The following TMEM108 variants were observed in gnomAD, a reference collection of about 807,000 sequenced individuals.
TMEM108 encodes transmembrane protein 108.
A neutral mutation model predicts 35.1 loss-of-function variants in TMEM108; 12 were observed. The observed-to-expected ratio is 0.34, with a 90% CI of 0.22 to 0.55. The LOEUF (loss-of-function observed/expected upper bound fraction) is 0.55, where lower values mean the gene tolerates loss of function less well. Ranked by LOEUF, TMEM108 falls within the 20% of genes least tolerant of loss-of-function variation. TMEM108 has a pLI of 0.89. For missense variants in TMEM108, 680 were observed against 753.3 expected (o/e 0.90, Z 1.14); for synonymous variants, 287 against 308.6 (o/e 0.93, Z 0.73).
intron 3 of TMEM108, among the ~76,000 whole-genome samples, chr3:133,321,789 A>G (rs917575762): frequency 2.0e-5 from 3 of 152,116 alleles, no homozygotes; most frequent in Non-Finnish European, 4.4e-5. Context: ...CACAAAACAA[A>G]TCTCAATGAA....
chr3:133,286,135 C>G (rs1946981581), intron 3 of TMEM108, among the ~76,000 whole-genome samples: 1 of 152,158 alleles, frequency 6.6e-6, no homozygotes, highest in African/African-American at 2.4e-5. Flanking sequence ...TATCAAACAT[C>G]AAGACAAACA....
chr3:133,341,124 G>A (rs1034155370), intron 3 of TMEM108, among the ~76,000 whole-genome samples: 2 of 151,750 alleles, frequency 1.3e-5, no homozygotes, highest in Non-Finnish European at 3.0e-5. Flanking sequence ...AATTATCCTT[G>A]TTTGCAGATG....
chr3:133,381,883 T>C (rs889468285), intron 4 of TMEM108, among the ~76,000 whole-genome samples: 1 of 152,144 alleles, frequency 6.6e-6, no homozygotes, highest in African/African-American at 2.4e-5. Flanking sequence ...TATTTGTTCG[T>C]AGGTGATGTG....
chr3:133,285,243 A>G (rs1946967591), intron 3 of TMEM108, among the ~76,000 whole-genome samples: 1 of 152,240 alleles, frequency 6.6e-6, no homozygotes, highest in Non-Finnish European at 1.5e-5. Context: ...AGTGGCTACC[A>G]TATTAAATAA....
intron 3 of TMEM108, among the ~76,000 whole-genome samples, chr3:133,290,395 T>A (rs1947046612): frequency 6.6e-6 from 1 of 151,754 alleles, no homozygotes; most frequent in Admixed American, 6.6e-5. Context: ...CCAAGCTGAG[T>A]GGATCATCTC....
At chr3:133,321,308 A>G (rs1186920360) in intron 3 of TMEM108, among the ~76,000 whole-genome samples, 1 of 152,238 alleles carries the variant, frequency 6.6e-6, no homozygotes, top group African/African-American at 2.4e-5. Context: ...AACTTAAGGT[A>G]AAGTGGTGGG....
Position 133,380,574 on chromosome 3 carries a change from G to T in TMEM108, c.863G>T (p.Gly288Val). 1 of 1,613,338 alleles carries T rather than the reference G, an allele frequency of 6.2e-7. No homozygotes were observed. The highest frequency in any genetic ancestry group is 1.1e-5 in the South Asian group (1 of 90,974). ...CTTCGCAGAGCAGCCCAGGGGGGTG[G>T]TTCTACCTTCACCAGCCAAGGAGGG... is the stretch of plus-strand genomic sequence containing the variant. The part of the protein sequence containing the change: ...PGLRRAAQGG[G>V]STFTSQGGTP... Residue 288 changes from glycine (G) to valine (V), a missense_variant, in exon 4 of 6, where the codon GGT becomes GTT. By Grantham distance (109) the Gly-to-Val change is moderately radical. Coordinates refer to ENST00000321871, the MANE Select transcript of TMEM108 (RefSeq NM_023943.4). The surrounding 1 kb of genome is among the most constrained non-coding windows in gnomAD (Gnocchi z 5.3).
At chr3:133,275,014 C>T (rs1946819903) in intron 3 of TMEM108, among the ~76,000 whole-genome samples, 1 of 152,154 alleles carries the variant, frequency 6.6e-6, no homozygotes, top group Admixed American at 6.5e-5. Context: ...CAGCAAAAAC[C>T]ATAAATACTC....
chr3:133,142,561 C>T (rs531634149), intron 2 of TMEM108, among the ~76,000 whole-genome samples: 1 of 152,316 alleles, frequency 6.6e-6, no homozygotes, highest in African/African-American at 2.4e-5. Flanking sequence ...CACGGTTTCA[C>T]ACTCCACACT....
At chr3:133,065,822 G>A (rs1389443835) in intron 2 of TMEM108, among the ~76,000 whole-genome samples, 1 of 152,092 alleles carries the variant, frequency 6.6e-6, no homozygotes, top group African/African-American at 2.4e-5. Flanking sequence ...AAAATGGGTG[G>A]GACCGCACAT....
At chr3:133,271,985 G>A (rs1946777125) in intron 3 of TMEM108, among the ~76,000 whole-genome samples, 1 of 152,078 alleles carries the variant, frequency 6.6e-6, no homozygotes, top group Non-Finnish European at 1.5e-5. Context: ...CAAAATTAAT[G>A]AATCAATAAA....
At chr3:133,391,077 C>A (rs780199693) in intron 5 of TMEM108, among the ~76,000 whole-genome samples, 14 of 152,134 alleles carry the variant, frequency 9.2e-5, no homozygotes, top group Non-Finnish European at 1.8e-4. Context: ...TAGACACAGC[C>A]TTAATGGGGT....
intron 3 of TMEM108, among the ~76,000 whole-genome samples, chr3:133,237,874 G>C (rs982468359): frequency 6.6e-6 from 1 of 152,090 alleles, no homozygotes; most frequent in African/African-American, 2.4e-5. Context: ...TTGTTTTACA[G>C]CTTTAACTTT....
chr3:133,379,704 A>T (rs753988835), intron 3 of TMEM108, 48 bp from the exon 4 acceptor site: 2 of 1,574,530 alleles, frequency 1.3e-6, no homozygotes, highest in Non-Finnish European at 1.7e-6. Flanking sequence ...CCCAGGCTGT[A>T]TGCTGCTCCC....
At chr3:133,128,683 T>C (rs1354406644) in intron 2 of TMEM108, among the ~76,000 whole-genome samples, 1 of 152,172 alleles carries the variant, frequency 6.6e-6, no homozygotes, top group African/African-American at 2.4e-5. Context: ...CTTTTGGTCA[T>C]CACATAGTTT....
intron 2 of TMEM108, among the ~76,000 whole-genome samples, chr3:133,171,664 G>A (rs77338191): frequency 5.9e-5 from 9 of 152,242 alleles, no homozygotes; most frequent in South Asian, 4.1e-4. Flanking sequence ...TAGTTTACTC[G>A]CATCTTTTAT....
chr3:133,335,818 A>G (rs892052156), intron 3 of TMEM108, among the ~76,000 whole-genome samples: 1 of 152,210 alleles, frequency 6.6e-6, no homozygotes, highest in Non-Finnish European at 1.5e-5. Context: ...TAGGAAACAC[A>G]GTGCTGAATC....
intron 3 of TMEM108, among the ~76,000 whole-genome samples, chr3:133,365,576 C>T (rs1417994551): frequency 6.6e-6 from 1 of 152,160 alleles, no homozygotes; most frequent in African/African-American, 2.4e-5. Flanking sequence ...GACATAGGGG[C>T]AGCTACCCTT....
intron 3 of TMEM108, chr3:133,247,499 C>T (rs531838136): frequency 1.2e-4 from 19 of 152,118 alleles, no homozygotes; most frequent in Non-Finnish European, 2.6e-4. Context: ...GGGTAGGCCC[C>T]ACTTCTGAGC....
Sources: gnomAD v4.1 joint callset for allele counts (sites outside exome capture counted in the v4.1 genomes callset) on GRCh38, gnomAD v4.1.1 for gene constraint, Gnocchi (gnomAD v3.1) non-coding constraint, MANE v1.5 for transcripts, NCBI Gene and HGNC (gene_info 2026-07-23, HGNC 2026-07-21) for gene names.